Variants in ZNF644 observed in about 807,000 individuals in gnomAD.
The protein encoded by ZNF644 is zinc finger motif enhancer binding protein 2.
In ZNF644, 20 loss-of-function variants were observed where a neutral mutation model predicts 108.0. The observed-to-expected ratio is 0.19, with a 90% CI of 0.13 to 0.27. ZNF644 has a LOEUF of 0.27. ZNF644 is among the 10% of genes least tolerant of loss of function. The pLI is 1.00. For synonymous variants in ZNF644, 542 were observed against 539.1 expected (o/e 1.01, Z -0.08); for missense variants, 1,338 against 1,548.9 (o/e 0.86, Z 2.29).
chr1:90,971,008 A>C (rs531534721), intron 2 of ZNF644, among the ~76,000 whole-genome samples: 16 of 151,534 alleles, frequency 1.1e-4, no homozygotes, highest in African/African-American at 3.9e-4. Context: ...CAAAAAAAAA[A>C]AAAAAAAAAA....
chr1:91,002,957 A>T (rs1254437522), intron 1 of ZNF644, among the ~76,000 whole-genome samples: 2 of 151,726 alleles, frequency 1.3e-5, no homozygotes, highest in Non-Finnish European at 3.0e-5. Flanking sequence ...CCATCAGAGA[A>T]ATGCAAATCA....
At chr1:91,012,914 T>C (rs1570585530) in intron 1 of ZNF644, among the ~76,000 whole-genome samples, 1 of 152,314 alleles carries the variant, frequency 6.6e-6, no homozygotes, top group East Asian at 1.9e-4. Context: ...CTCATCCTTC[T>C]TTATCAATCT....
intron 2 of ZNF644, among the ~76,000 whole-genome samples, chr1:90,972,141 C>T (rs1655556555): frequency 6.6e-6 from 1 of 151,976 alleles, no homozygotes; most frequent in Non-Finnish European, 1.5e-5. Context: ...CAAACAAAGA[C>T]TAATTGAACT....
At chr1:90,983,370 A>T (rs569715788) in intron 1 of ZNF644, among the ~76,000 whole-genome samples, 2 of 152,182 alleles carry the variant, frequency 1.3e-5, no homozygotes, top group South Asian at 4.2e-4. Context: ...AAATAAAAGT[A>T]AGAACATTAA....
intron 2 of ZNF644, among the ~76,000 whole-genome samples, chr1:90,954,043 T>C (rs1335499916): frequency 2.6e-5 from 4 of 152,128 alleles, no homozygotes; most frequent in African/African-American, 9.7e-5. Context: ...ATATTGACAA[T>C]CAGAGTGGCA....
chr1:90,975,757 T>A lies in ZNF644; in HGVS notation c.44+6553A>T, dbSNP rs541529414. ...CCACGCCTGGCCTCAAATATCTACT[T>A]TAATGGTCATCTCAAAAGAATAGTA... On this transcript the variant is annotated intron_variant, in intron 2 of 5. Transcript: ENST00000337393. Among the ~76,000 whole-genome samples, 5 of 152,238 alleles carry A rather than the reference T, an allele frequency of 3.3e-5. No homozygotes were observed. In the South Asian group the frequency reaches 1.0e-3, roughly 32 times the overall value.
At chr1:90,952,528 G>A (rs1038837042) in intron 2 of ZNF644, among the ~76,000 whole-genome samples, 1 of 152,072 alleles carries the variant, frequency 6.6e-6, no homozygotes, top group Admixed American at 6.5e-5. Context: ...AATGACCACT[G>A]AGAAGCTTCC....
At chr1:90,919,646 G>T (rs1269246008) in intron 4 of ZNF644, among the ~76,000 whole-genome samples, 2 of 152,016 alleles carry the variant, frequency 1.3e-5, no homozygotes, top group African/African-American at 2.4e-5. Flanking sequence ...GTCAAGTTAG[G>T]TATTAAAGAA....
intron 1 of ZNF644, chr1:91,021,634 G>GCTCC (rs768730667): frequency 8.4e-4 from 71 of 84,570 alleles, no homozygotes; most frequent in Non-Finnish European, 1.3e-3. Flanking sequence ...GCAGCGGAAA[G>GCTCC]CCCCCCCCCC....
chr1:90,939,254 A>G lies in ZNF644; in HGVS notation c.2100T>C (p.Asn700=). The change falls in exon 3 of 6, where the codon AAT becomes AAC. Residue 700 remains asparagine, a synonymous_variant. Coordinates refer to ENST00000337393, the MANE Select transcript of ZNF644 (RefSeq NM_201269.3). ...CATTCTTATGAGGAGAGCTGTTTTG[A>G]TTGCACATGTTTACACCTGATTGGG... ...SIAQSGVNMC[N]QNSSPHKNVT... 6.2e-7 allele frequency: 1 copy of G among 1,613,976 alleles called. No individual in the cohort carries two copies. Among genetic ancestry groups the G allele is most frequent in the Non-Finnish European group, 8.5e-7 (1 of 1,179,934 alleles).
Position 90,938,523 on chromosome 1 carries a change from G to A in ZNF644, c.2831C>T (p.Ala944Val), listed in dbSNP as rs769665032. ...AACAGAACTATGCTTTGACAATGAA[G>A]CATCTGCAGTTTCTAAATGCTGAGG... is the stretch of plus-strand genomic sequence containing the variant. ...HDPQHLETAD[A>V]SLSKHSSVFH... Residue 944 changes from alanine to valine, a missense_variant, in exon 3 of 6, where the codon GCT becomes GTT. Transcript: ENST00000337393. The surrounding 1 kb of genome is among the most constrained non-coding windows in gnomAD (Gnocchi z 4.2). 2 of 1,613,938 alleles carry A rather than the reference G, an allele frequency of 1.2e-6. No individual in the cohort carries two copies. Among genetic ancestry groups the A allele is most frequent in the East Asian group, 4.5e-5 (2 of 44,876 alleles).
At chr1:90,993,347 CA>C (rs1473647881) in intron 1 of ZNF644, among the ~76,000 whole-genome samples, 3 of 150,986 alleles carry the variant, frequency 2.0e-5, no homozygotes, top group Admixed American at 6.7e-5. Flanking sequence ...AGTCAATGCC[CA>C]AATATATCAG....
intron 1 of ZNF644, among the ~76,000 whole-genome samples, chr1:90,994,919 G>A (rs1251901303): frequency 1.3e-5 from 2 of 152,116 alleles, no homozygotes; most frequent in Non-Finnish European, 2.9e-5. Flanking sequence ...TACATCAGGG[G>A]AGACCAAGTT....
chr1:90,946,605 A>C (rs1557583262), intron 2 of ZNF644, among the ~76,000 whole-genome samples: 1 of 152,136 alleles, frequency 6.6e-6, no homozygotes, highest in Non-Finnish European at 1.5e-5. Context: ...ATAATCCTTT[A>C]GTTAACTTAT....
chr1:91,010,000 A>G (rs766861978), intron 1 of ZNF644, among the ~76,000 whole-genome samples: 14 of 152,052 alleles, frequency 9.2e-5, no homozygotes, highest in Admixed American at 3.3e-4. Context: ...ATAATCACCA[A>G]CTGGCCTTCC....
intron 4 of ZNF644, among the ~76,000 whole-genome samples, chr1:90,933,430 G>A (rs1650961720): frequency 6.6e-6 from 1 of 152,082 alleles, no homozygotes. Flanking sequence ...GGGAGGCTAA[G>A]GCGGGCAGAC....
At chr1:91,010,456 T>C (rs1384056161) in intron 1 of ZNF644, among the ~76,000 whole-genome samples, 4 of 151,218 alleles carry the variant, frequency 2.6e-5, no homozygotes, top group Non-Finnish European at 5.9e-5. Flanking sequence ...TTCACCATGT[T>C]GGCGAGGCTG....
At chr1:91,016,163 G>A (rs1172473897) in intron 1 of ZNF644, among the ~76,000 whole-genome samples, 1 of 152,074 alleles carries the variant, frequency 6.6e-6, no homozygotes, top group African/African-American at 2.4e-5. Context: ...GCAAACAAAA[G>A]GCAATTAATT....
At chr1:90,969,162 G>T (rs1655218679) in intron 2 of ZNF644, among the ~76,000 whole-genome samples, 1 of 152,062 alleles carries the variant, frequency 6.6e-6, no homozygotes, top group Admixed American at 6.6e-5. Context: ...AAGCCATTAG[G>T]GTAGGCCCTA....
Sources: gnomAD v4.1 joint callset for allele counts (sites outside exome capture counted in the v4.1 genomes callset) on GRCh38, gnomAD v4.1.1 for gene constraint, Gnocchi (gnomAD v3.1) non-coding constraint, MANE v1.5 for transcripts, NCBI Gene and HGNC (gene_info 2026-07-23, HGNC 2026-07-21) for gene names.